The following CCDC149 variants were observed in gnomAD, a reference collection of about 807,000 sequenced individuals.
The protein encoded by CCDC149 is coiled-coil domain-containing protein 149.
A neutral mutation model predicts 59.9 loss-of-function variants in CCDC149; 45 were observed. The ratio of observed to expected loss-of-function variants is 0.75; its 90% CI spans 0.59 to 0.96. CCDC149 has a LOEUF of 0.96. Among genes scored for constraint, CCDC149 ranks in the 40% least tolerant of loss-of-function variants. CCDC149 has a pLI of 0.00. For synonymous variants in CCDC149, 245 were observed against 260.6 expected (o/e 0.94, Z 0.58); for missense variants, 584 against 664.7 (o/e 0.88, Z 1.33).
rs1421166694 is a variant in CCDC149 at position 24,974,039 on chromosome 4, CAAAT to C, written c.-65+6026_-65+6029del. On this transcript the variant is annotated intron_variant, in intron 1 of 12. Coordinates refer to the CCDC149 transcript ENST00000389609. ...TGCTTCGGAAGAGTATTTTTAGTGGCAAATAAAGTGGTGCGCAAATAAACAAACG... is the reference window on the plus strand; with the variant it reads ...TGCTTCGGAAGAGTATTTTTAGTGGCAAAGTGGTGCGCAAATAAACAAACG... Among the ~76,000 whole-genome samples the C allele has an allele frequency of 6.6e-5, 10 of 152,326 alleles. No homozygotes were observed. In the East Asian group the frequency reaches 1.9e-3, roughly 29 times the overall value.
chr4:24,976,185 G>C (rs1224090869), intron 1 of CCDC149, among the ~76,000 whole-genome samples: 1 of 152,166 alleles, frequency 6.6e-6, no homozygotes, highest in Non-Finnish European at 1.5e-5. Flanking sequence ...CTTTTTAAGA[G>C]TACGTGGAGC....
At chr4:24,952,610 AAAAAAAAAAAAAAAAAATATAT>A (rs1723329838) in intron 1 of CCDC149, among the ~76,000 whole-genome samples, 1 of 35,472 alleles carries the variant, frequency 2.8e-5, no homozygotes, top group Non-Finnish European at 5.3e-5. Flanking sequence ...AAAAAAAAAA[AAAAAAAAAAAAAAAAAATATAT>A]ATATATATAT....
At position 24,966,128 on chromosome 4, in the gene CCDC149, C is replaced by G. The variant is rs901007657; in HGVS notation, c.-65+13941G>C. On this transcript the variant is annotated intron_variant, in intron 1 of 12. Coordinates refer to the CCDC149 transcript ENST00000389609. ...TAACAATTGGCATCACAAACAGGAT[C>G]CCGAGCTGTTGCAGGTGAGTACGTG... Among the ~76,000 whole-genome samples, 4 of 152,148 alleles carry G rather than the reference C, an allele frequency of 2.6e-5. 1 individual carries two copies. The highest frequency in any genetic ancestry group is 4.1e-4 in the South Asian group (2 of 4,830).
chr4:24,807,169 G>A lies in CCDC149; in HGVS notation c.*1220C>T, dbSNP rs148317952. 1.4e-3 allele frequency: 215 copies of A among 152,222 alleles called. 1 individual carries two copies. Among genetic ancestry groups the A allele is most frequent in the African/African-American group, 4.9e-3 (205 of 41,516 alleles). 9.4% of individuals were successfully genotyped at this position (152,222 alleles called of 1,614,324 possible). On this transcript the variant is annotated 3_prime_UTR_variant, in exon 13 of 13. Coordinates refer to ENST00000635206, the MANE Select transcript of CCDC149 (RefSeq NM_001330643.2). ...TTGGGATCTAGTCTCAGGCTTTCCA[G>A]GGAAGGAAAAAGCTATGGCTGGATG...
At chr4:24,896,203 G>A (rs542578501) in intron 1 of CCDC149, among the ~76,000 whole-genome samples, 74 of 152,238 alleles carry the variant, frequency 4.9e-4, no homozygotes, top group African/African-American at 1.7e-3. Flanking sequence ...CCATGTCTTT[G>A]TTTATATAAT....
Position 24,896,227 on chromosome 4 carries a change from C to A in CCDC149, c.63+16590G>T, listed in dbSNP as rs115390308. The stretch of plus-strand genomic sequence containing the variant: ...TGTTTATATAATGAGGTCATTACCA[C>A]CTGCTCAGTCTAATCCACAAGCTTG... On this transcript the variant is annotated intron_variant, in intron 1 of 12. Coordinates refer to ENST00000635206, the MANE Select transcript of CCDC149 (RefSeq NM_001330643.2). Among the ~76,000 whole-genome samples the A allele has an allele frequency of 3.7e-3, 556 of 152,288 alleles. 2 individuals carry two copies. Among genetic ancestry groups the A allele is most frequent in the African/African-American group, 0.013 (539 of 41,556 alleles).
chr4:24,894,948 A>C, intron 1 of CCDC149: 1 of 1,535,242 alleles, frequency 6.5e-7, no homozygotes, highest in Non-Finnish European at 8.7e-7. Flanking sequence ...AGGTATTTAT[A>C]AAACATAGGC....
intron 1 of CCDC149, among the ~76,000 whole-genome samples, chr4:24,892,639 C>G (rs765239385): frequency 3.4e-4 from 51 of 152,166 alleles, no homozygotes; most frequent in Non-Finnish European, 3.4e-4. Flanking sequence ...ATTTGATCCT[C>G]ACAAGGAGGC....
intron 1 of CCDC149, among the ~76,000 whole-genome samples, chr4:24,955,562 A>G (rs758180142): frequency 6.6e-6 from 1 of 152,232 alleles, no homozygotes; most frequent in Non-Finnish European, 1.5e-5. Context: ...GACACATACT[A>G]CAACATGGAT....
At chr4:24,829,967 G>C (rs920611051) in intron 9 of CCDC149, 1 of 152,756 alleles carries the variant, frequency 6.5e-6, no homozygotes, top group African/African-American at 2.4e-5. Context: ...GCAAAAGCCA[G>C]AAGAAGGGAG....
At chr4:24,871,703 C>CCCA (rs1719051613) in intron 3 of CCDC149, among the ~76,000 whole-genome samples, 1 of 152,222 alleles carries the variant, frequency 6.6e-6, no homozygotes, top group Non-Finnish European at 1.5e-5. Flanking sequence ...AGCCCAAGCT[C>CCCA]CCACCACCAC....
intron 1 of CCDC149, among the ~76,000 whole-genome samples, chr4:24,978,454 CA>C (rs564129636): frequency 5.2e-4 from 79 of 152,252 alleles, no homozygotes; most frequent in Non-Finnish European, 9.4e-4. Flanking sequence ...TGGTGGTTTG[CA>C]TATGTGGTTC....
In CCDC149 at chr4:24,808,144, G is replaced by C. The variant is rs1560194223; in HGVS notation, c.*245C>G. On this transcript the variant is annotated 3_prime_UTR_variant, in exon 13 of 13. Coordinates refer to ENST00000635206, the MANE Select transcript of CCDC149 (RefSeq NM_001330643.2). ...GGACACGATTCCTGGGCCTGGCCCT[G>C]TTCACAGTAGCACTCTCTGGCAGAA... The C allele has an allele frequency of 2.9e-6, 1 of 350,126 alleles. No individual in the cohort carries two copies. Among genetic ancestry groups the C allele is most frequent in the East Asian group, 4.4e-5 (1 of 22,538 alleles). 21.7% of individuals were successfully genotyped at this position (350,126 alleles called of 1,614,324 possible).
intron 1 of CCDC149, among the ~76,000 whole-genome samples, chr4:24,962,746 G>C (rs527574777): frequency 2.6e-5 from 4 of 151,984 alleles, no homozygotes; most frequent in African/African-American, 9.7e-5. Flanking sequence ...GGTGGGAGGA[G>C]GGGGGAGGGA....
chr4:24,861,250 G>GATAT (rs149917356), intron 3 of CCDC149, among the ~76,000 whole-genome samples: 4,017 of 150,444 alleles, frequency 0.027, 174 homozygotes, highest in African/African-American at 0.092. Context: ...AATAATATGT[G>GATAT]ATATATATAT....
rs79084408 is a variant in CCDC149, at chr4:24,889,584, C to T, written c.64-12887G>A. ...CCTGAGGTCTGCTGGATACAGGTGACAGGCAGCTTGCATCACCAACCCTCA... is the reference window on the plus strand; with the variant it reads ...CCTGAGGTCTGCTGGATACAGGTGATAGGCAGCTTGCATCACCAACCCTCA... On this transcript the variant is annotated intron_variant, in intron 1 of 12. Coordinates refer to ENST00000635206, the MANE Select transcript of CCDC149 (RefSeq NM_001330643.2). 2.4e-3 allele frequency among the ~76,000 whole-genome samples: 367 copies of T among 152,276 alleles called. 8 individuals carry two copies. In the East Asian group the frequency reaches 0.057, roughly 24 times the overall value.
intron 1 of CCDC149, among the ~76,000 whole-genome samples, chr4:24,880,665 C>T (rs1719781535): frequency 6.6e-6 from 1 of 152,140 alleles, no homozygotes; most frequent in Non-Finnish European, 1.5e-5. Flanking sequence ...GAATAACCAG[C>T]AAATATAAGG....
intron 12 of CCDC149, among the ~76,000 whole-genome samples, chr4:24,815,665 C>T (rs1714967246): frequency 6.6e-6 from 1 of 152,146 alleles, no homozygotes; most frequent in Non-Finnish European, 1.5e-5. Context: ...ATCTTCTCTA[C>T]CTTAATTTAC....
intron 1 of CCDC149, among the ~76,000 whole-genome samples, chr4:24,897,255 G>A (rs1055447833): frequency 2.0e-5 from 3 of 152,206 alleles, no homozygotes; most frequent in African/African-American, 7.2e-5. Flanking sequence ...AAGGCTGGGT[G>A]TGTGGCAGCA....
Sources: allele counts gnomAD v4.1 joint callset (sites outside exome capture counted in the v4.1 genomes callset), GRCh38; gene constraint gnomAD v4.1.1; transcripts MANE v1.5; gene names NCBI Gene and HGNC (gene_info 2026-07-23, HGNC 2026-07-21).